Variants in ASIC2 observed in about 807,000 individuals in gnomAD.
The protein encoded by ASIC2 is acid-sensing ion channel 2.
In ASIC2, 25 loss-of-function variants were observed where a neutral mutation model predicts 57.3. That is an observed-to-expected ratio of 0.44 (90% CI 0.32 to 0.61). ASIC2 has a LOEUF of 0.61. Ranked by LOEUF, ASIC2 falls within the 20% of genes least tolerant of loss-of-function variation. ASIC2 has a pLI of 0.06. For synonymous variants in ASIC2, 319 were observed against 307.5 expected (o/e 1.04, Z -0.39); for missense variants, 641 against 738.1 (o/e 0.87, Z 1.52).
At chr17:33,657,447 G>C (rs1002113564) in intron 1 of ASIC2, among the ~76,000 whole-genome samples, 1 of 152,140 alleles carries the variant, frequency 6.6e-6, no homozygotes, top group Non-Finnish European at 1.5e-5. Flanking sequence ...CAGAAGTCAA[G>C]CCCTCAGACA....
chr17:34,038,483 C>A, intron 1 of ASIC2: 1 of 1,612,162 alleles, frequency 6.2e-7, no homozygotes, highest in Non-Finnish European at 8.5e-7. Flanking sequence ...AGCTACGTAT[C>A]TTTGCTCTGT....
intron 1 of ASIC2, among the ~76,000 whole-genome samples, chr17:33,390,118 GC>G (rs1255006206): frequency 6.6e-6 from 1 of 152,008 alleles, no homozygotes; most frequent in African/African-American, 2.4e-5. Context: ...TTTGAGACTG[GC>G]CTGGCTAGCA....
chr17:33,871,590 G>A (rs1914410479), intron 1 of ASIC2, among the ~76,000 whole-genome samples: 1 of 152,254 alleles, frequency 6.6e-6, no homozygotes, highest in South Asian at 2.1e-4. Flanking sequence ...AGGATCTGGA[G>A]AGAGGACCCT....
At chr17:33,388,039 C>T (rs951336737) in intron 1 of ASIC2, among the ~76,000 whole-genome samples, 23 of 152,116 alleles carry the variant, frequency 1.5e-4, no homozygotes, top group African/African-American at 5.6e-4. Flanking sequence ...GAGATTGAGC[C>T]ACTGCACTCC....
intron 3 of ASIC2, among the ~76,000 whole-genome samples, chr17:33,034,203 C>A (rs1339415609): frequency 2.6e-5 from 4 of 152,184 alleles, no homozygotes; most frequent in Non-Finnish European, 5.9e-5. Flanking sequence ...TTCTTCTTCT[C>A]CCTTCACTTG....
chr17:34,136,482 T>C (rs1227248000), intron 1 of ASIC2, among the ~76,000 whole-genome samples: 2 of 152,226 alleles, frequency 1.3e-5, no homozygotes, highest in African/African-American at 4.8e-5. Flanking sequence ...CCTACTTACT[T>C]AATTCAATGA....
chr17:33,232,628 T>C (rs1489405102), intron 1 of ASIC2, among the ~76,000 whole-genome samples: 1 of 152,250 alleles, frequency 6.6e-6, no homozygotes, highest in Non-Finnish European at 1.5e-5. Flanking sequence ...GCTGCAAATT[T>C]CCCTTGTTGA....
At chr17:34,069,153 G>A (rs866916447) in intron 1 of ASIC2, among the ~76,000 whole-genome samples, 12 of 151,934 alleles carry the variant, frequency 7.9e-5, no homozygotes, top group Non-Finnish European at 1.5e-4. Flanking sequence ...GCTGGCAAAC[G>A]CTAAAAATTT....
intron 1 of ASIC2, among the ~76,000 whole-genome samples, chr17:33,950,996 G>A (rs1904544863): frequency 6.6e-6 from 1 of 152,166 alleles, no homozygotes. Flanking sequence ...TATTCATTGG[G>A]AGGTAACAAG....
intron 1 of ASIC2, among the ~76,000 whole-genome samples, chr17:33,922,000 G>C (rs1162622899): frequency 1.3e-5 from 2 of 152,096 alleles, no homozygotes; most frequent in East Asian, 3.9e-4. Flanking sequence ...GACGGGCCTG[G>C]GAACATTCTC....
intron 1 of ASIC2, among the ~76,000 whole-genome samples, chr17:33,473,959 A>C (rs4794951): frequency 0.28 from 42,741 of 152,060 alleles, 6,073 homozygotes; most frequent in South Asian, 0.32. Context: ...AAAATGTGCC[A>C]GATTTCTAGC....
chr17:33,859,133 C>T (rs1034856917), intron 1 of ASIC2, among the ~76,000 whole-genome samples: 2 of 152,150 alleles, frequency 1.3e-5, no homozygotes, highest in South Asian at 4.1e-4. Context: ...TAATTTAAAG[C>T]AGCATGAAAT....
At chr17:33,424,403 C>A (rs550714596) in intron 1 of ASIC2, among the ~76,000 whole-genome samples, 1 of 152,240 alleles carries the variant, frequency 6.6e-6, no homozygotes, top group South Asian at 2.1e-4. Flanking sequence ...ATATGAAGGG[C>A]AGAAGTTCAG....
At chr17:33,184,027 C>T (rs1034805604) in intron 1 of ASIC2, among the ~76,000 whole-genome samples, 6 of 152,066 alleles carry the variant, frequency 3.9e-5, no homozygotes, top group South Asian at 2.1e-4. Flanking sequence ...GCATTGTATA[C>T]GAAATGTCTA....
chr17:33,340,415 T>A (rs1907677967), intron 1 of ASIC2, among the ~76,000 whole-genome samples: 1 of 152,204 alleles, frequency 6.6e-6, no homozygotes, highest in Non-Finnish European at 1.5e-5. Context: ...AAATCTACCA[T>A]AAATGTTGGA....
At chr17:33,852,356 A>G (rs1029351508) in intron 1 of ASIC2, among the ~76,000 whole-genome samples, 3 of 152,142 alleles carry the variant, frequency 2.0e-5, no homozygotes, top group African/African-American at 7.2e-5. Context: ...TGGCTTCAGG[A>G]TCACCTTACG....
intron 1 of ASIC2, among the ~76,000 whole-genome samples, chr17:33,939,018 C>T (rs1916128909): frequency 6.6e-6 from 1 of 152,228 alleles, no homozygotes; most frequent in African/African-American, 2.4e-5. Flanking sequence ...GCCAGCCCTC[C>T]CACCCAGGCA....
Position 34,050,449 on chromosome 17 carries a change from C to T in ASIC2, c.555+105529G>A, listed in dbSNP as rs894710586. Reference sequence around the variant, plus strand: ...CACGGTTACTCATAAAGCTGCCTGGCTGCACAAGATTCTTGAAAAATCTCT... The same window carrying T: ...CACGGTTACTCATAAAGCTGCCTGGTTGCACAAGATTCTTGAAAAATCTCT... On this transcript the variant is annotated intron_variant, in intron 1 of 9. Coordinates refer to the ASIC2 transcript ENST00000359872. 3.9e-5 allele frequency among the ~76,000 whole-genome samples: 6 copies of T among 152,120 alleles called. No homozygotes were observed. In the East Asian group the frequency reaches 1.2e-3, roughly 29 times the overall value.
chr17:33,383,690 C>T (rs1418547674), intron 1 of ASIC2, among the ~76,000 whole-genome samples: 1 of 152,220 alleles, frequency 6.6e-6, no homozygotes, highest in African/African-American at 2.4e-5. Context: ...CTGACAAATT[C>T]AATGTTTCTT....
Sources: allele counts gnomAD v4.1 joint callset (sites outside exome capture counted in the v4.1 genomes callset), GRCh38; gene constraint gnomAD v4.1.1; transcripts MANE v1.5; gene names NCBI Gene and HGNC (gene_info 2026-07-23, HGNC 2026-07-21).